Variants in HYCC1 observed in about 807,000 individuals in gnomAD.
The protein encoded by HYCC1 is hyccin.
chr7:22,964,902 A>G, the HYCC1 span, among the ~76,000 whole-genome samples: 1 of 152,100 alleles, frequency 6.6e-6, no homozygotes, highest in Non-Finnish European at 1.5e-5. Flanking sequence ...TGGGAGGCCA[A>G]GGCAGGTGGA....
chr7:22,929,261 C>T, the HYCC1 span, among the ~76,000 whole-genome samples: 24 of 152,198 alleles, frequency 1.6e-4, 1 homozygote, highest in South Asian at 5.0e-3. Flanking sequence ...TAGGCAATAC[C>T]ATTCAGGACA....
the HYCC1 span, among the ~76,000 whole-genome samples, chr7:23,009,461 G>C: frequency 1.3e-5 from 2 of 152,082 alleles, no homozygotes; most frequent in Admixed American, 1.3e-4. Context: ...AACTCTAGAA[G>C]ACAATCAGAC....
chr7:22,945,829 C>T, the HYCC1 span: 1 of 1,613,824 alleles, frequency 6.2e-7, no homozygotes, highest in Non-Finnish European at 8.5e-7. Flanking sequence ...CGGTCTTAGC[C>T]AAACCATGGC....
chr7:22,952,820 T>C, the HYCC1 span, among the ~76,000 whole-genome samples: 1 of 151,804 alleles, frequency 6.6e-6, no homozygotes. Flanking sequence ...AAACACAGGA[T>C]GGGACCCTGC....
chr7:22,903,738 T>C, the HYCC1 span, among the ~76,000 whole-genome samples: 4 of 152,330 alleles, frequency 2.6e-5, no homozygotes, highest in African/African-American at 9.6e-5. Flanking sequence ...TCAAATTCTT[T>C]TTTAAAATGA....
At chr7:22,951,549 G>C in the HYCC1 span, among the ~76,000 whole-genome samples, 1 of 147,846 alleles carries the variant, frequency 6.8e-6, no homozygotes, top group Non-Finnish European at 1.5e-5. Context: ...CAATTTATGA[G>C]ATGTAGATAT....
At chr7:22,950,520 A>C in the HYCC1 span, among the ~76,000 whole-genome samples, 1 of 152,020 alleles carries the variant, frequency 6.6e-6, no homozygotes, top group African/African-American at 2.4e-5. Context: ...GAAAACATAC[A>C]GAAGACATGA....
At chr7:22,932,171 T>A in the HYCC1 span, among the ~76,000 whole-genome samples, 1 of 152,210 alleles carries the variant, frequency 6.6e-6, no homozygotes, top group African/African-American at 2.4e-5. Context: ...AACAAATCTA[T>A]GCAAGACTCC....
the HYCC1 span, among the ~76,000 whole-genome samples, chr7:22,995,001 C>T: frequency 6.6e-6 from 1 of 152,126 alleles, no homozygotes; most frequent in African/African-American, 2.4e-5. Flanking sequence ...CCAGCAAAAT[C>T]CTCTACATCT....
At chr7:22,937,472 G>A in the HYCC1 span, 1 of 152,138 alleles carries the variant, frequency 6.6e-6, no homozygotes, top group Admixed American at 6.5e-5. Context: ...TCTAACTAAA[G>A]AGAAACATGA....
the HYCC1 span, among the ~76,000 whole-genome samples, chr7:22,952,097 C>T: frequency 1.3e-5 from 2 of 151,924 alleles, no homozygotes; most frequent in African/African-American, 4.8e-5. Flanking sequence ...ATATGTCAGA[C>T]ATTGATTTAG....
chr7:22,904,710 G>A, the HYCC1 span, among the ~76,000 whole-genome samples: 9 of 151,706 alleles, frequency 5.9e-5, no homozygotes, highest in African/African-American at 1.9e-4. Context: ...TTGGGAGGTC[G>A]AGGTGGGCAG....
At chr7:22,925,356 G>A in the HYCC1 span, among the ~76,000 whole-genome samples, 1 of 152,152 alleles carries the variant, frequency 6.6e-6, no homozygotes, top group Non-Finnish European at 1.5e-5. Context: ...AGTTGAGAGA[G>A]GAAGGCTCCA....
At chr7:22,930,393 G>GAAAAAAAAAAAAAAAAAAAAAAAAAAA in the HYCC1 span, among the ~76,000 whole-genome samples, 1 of 101,088 alleles carries the variant, frequency 9.9e-6, no homozygotes. Context: ...AAAAGAAAAA[G>GAAAAAAAAAAAAAAAAAAAAAAAAAAA]AAAAAAAAAA....
At chr7:22,937,041 TTAAACTAGAGGG>T in the HYCC1 span, 8 of 152,118 alleles carry the variant, frequency 5.3e-5, no homozygotes, top group African/African-American at 1.9e-4. Context: ...AACAAAAGTC[TTAAACTAGAGGG>T]GAAACTAGAG....
chr7:22,934,615 C>T, the HYCC1 span: 1 of 152,204 alleles, frequency 6.6e-6, no homozygotes, highest in East Asian at 1.9e-4. Flanking sequence ...TAGTCATACT[C>T]ATGGCTATGA....
chr7:22,906,260 G>GA, the HYCC1 span, among the ~76,000 whole-genome samples: 258 of 151,978 alleles, frequency 1.7e-3, 1 homozygote, highest in African/African-American at 5.7e-3. Flanking sequence ...CTAAAAGCTA[G>GA]AAAAAAATGG....
chr7:23,000,812 G>C, the HYCC1 span, among the ~76,000 whole-genome samples: 2,413 of 151,986 alleles, frequency 0.016, 69 homozygotes, highest in African/African-American at 0.055. Flanking sequence ...AAGAGCTGAG[G>C]GATAGACATC....
chr7:22,977,434 AAGAAAATATATT>A, the HYCC1 span: 1 of 1,379,360 alleles, frequency 7.2e-7, no homozygotes, highest in East Asian at 2.3e-5. Context: ...ATAGAAGTGA[AAGAAAATATATT>A]AAAATACATA....
Sources: gnomAD v4.1 joint callset for allele counts (sites outside exome capture counted in the v4.1 genomes callset) on GRCh38, gnomAD v4.1.1 for gene constraint, MANE v1.5 for transcripts, NCBI Gene and HGNC (gene_info 2026-07-23, HGNC 2026-07-21) for gene names.